PTPRQ: variants seen among roughly 807,000 people sequenced by gnomAD.
PTPRQ encodes phosphatidylinositol phosphatase PTPRQ.
PTPRQ carries 199 observed loss-of-function variants against 246.0 expected under a neutral mutation model. That is an observed-to-expected ratio of 0.81 (90% CI 0.72 to 0.91). The LOEUF (loss-of-function observed/expected upper bound fraction) is 0.91, where lower values mean the gene tolerates loss of function less well. Ranked by LOEUF, PTPRQ falls within the 40% of genes least tolerant of loss-of-function variation. The probability of loss-of-function intolerance (pLI) is 0.00; values close to 1 mark genes in which losing one functional copy is unlikely to be tolerated. For synonymous variants in PTPRQ, 869 were observed against 853.2 expected (o/e 1.02, Z -0.32); for missense variants, 2,624 against 2,528.4 (o/e 1.04, Z -0.81).
intron 5 of PTPRQ, among the ~76,000 whole-genome samples, 200 bp from the exon 6 acceptor site, chr12:80,460,453 G>A (rs951312394): frequency 1.3e-5 from 2 of 152,004 alleles, no homozygotes; most frequent in Non-Finnish European, 2.9e-5. Flanking sequence ...TAAGGTATAA[G>A]GAATACAATA....
chr12:80,469,326 A>C (rs996922958), intron 7 of PTPRQ, among the ~76,000 whole-genome samples: 2 of 152,156 alleles, frequency 1.3e-5, no homozygotes, highest in African/African-American at 4.8e-5. Flanking sequence ...AAAACCTATT[A>C]AAATTTTTGG....
rs534634227 is a variant in PTPRQ at position 80,632,819 on chromosome 12, G to T, written c.5786+528G>T. On this transcript the variant is annotated intron_variant, in intron 34 of 44. Coordinates refer to ENST00000644991, the MANE Select transcript of PTPRQ (RefSeq NM_001145026.2). ...ACCCGTCATTATTAGATGGTAGGCA[G>T]GCTGAAATTGGTAATAGAAGCATCC... 3.9e-5 allele frequency among the ~76,000 whole-genome samples: 6 copies of T among 152,288 alleles called. No individual in the cohort carries two copies. The East Asian group carries it at 1.2e-3, about 29-fold the overall frequency.
At chr12:80,507,999 T>C (rs965836048) in intron 16 of PTPRQ, among the ~76,000 whole-genome samples, 1 of 152,002 alleles carries the variant, frequency 6.6e-6, no homozygotes, top group Non-Finnish European at 1.5e-5. Context: ...GAATTTGAGA[T>C]CTTATATGAT....
chr12:80,608,067 A>G (rs1592711752), intron 27 of PTPRQ, among the ~76,000 whole-genome samples: 2 of 150,734 alleles, frequency 1.3e-5, no homozygotes, highest in Admixed American at 6.6e-5. Flanking sequence ...GACTTCATAG[A>G]GCAGGTTAAA....
At chr12:80,550,538 C>T (rs1251657568) in intron 25 of PTPRQ, among the ~76,000 whole-genome samples, 2 of 152,088 alleles carry the variant, frequency 1.3e-5, no homozygotes, top group East Asian at 1.9e-4. Flanking sequence ...TTTCAGACTA[C>T]GGTGTTTCCC....
At chr12:80,475,933 T>C (rs1893796627) in intron 8 of PTPRQ, among the ~76,000 whole-genome samples, 1 of 152,138 alleles carries the variant, frequency 6.6e-6, no homozygotes, top group Non-Finnish European at 1.5e-5. Flanking sequence ...TCCTGCATAA[T>C]ATTTGATATC....
At chr12:80,530,197 T>C (rs940898701) in intron 17 of PTPRQ, among the ~76,000 whole-genome samples, 1 of 152,212 alleles carries the variant, frequency 6.6e-6, no homozygotes, top group Non-Finnish European at 1.5e-5. Context: ...TCTCTTTTTT[T>C]ATACTGTGGT....
At position 80,679,100 on chromosome 12, in the gene PTPRQ, T is replaced by C. The variant is rs1901238258; in HGVS notation, c.*77T>C. The stretch of plus-strand genomic sequence containing the variant: ...AAAGTTACCCCCTCATTCTTCCGAA[T>C]TGAAATGTGCAACCTTAAAGAAATA... On this transcript the variant is annotated 3_prime_UTR_variant, in exon 45 of 45. Coordinates refer to ENST00000644991, the MANE Select transcript of PTPRQ (RefSeq NM_001145026.2). The C allele has an allele frequency of 2.0e-6, 3 of 1,502,224 alleles. No homozygotes were observed. Among genetic ancestry groups the C allele is most frequent in the African/African-American group, 2.8e-5 (2 of 71,414 alleles). 93.1% of individuals were successfully genotyped at this position (1,502,224 alleles called of 1,614,324 possible).
chr12:80,679,880 A>G lies in PTPRQ; in HGVS notation c.*857A>G, dbSNP rs1351987761. On this transcript the variant is annotated 3_prime_UTR_variant, in exon 45 of 45. Coordinates refer to ENST00000644991, the MANE Select transcript of PTPRQ (RefSeq NM_001145026.2). ...AGCAAAAATGTATCAAAAGAGTAAT[A>G]AAAACACTGTGCGTGTTTCAAGCTT... 4 of 151,940 alleles carry G rather than the reference A, an allele frequency of 2.6e-5. No individual in the cohort carries two copies. The highest frequency in any genetic ancestry group is 9.7e-5 in the African/African-American group (4 of 41,416). 9.4% of individuals were successfully genotyped at this position (151,940 alleles called of 1,614,324 possible). A position where few individuals can be genotyped will look rare whatever the true frequency, so the allele number is the denominator to read the frequency against.
chr12:80,590,210 G>A (rs1897747215), intron 26 of PTPRQ, among the ~76,000 whole-genome samples: 2 of 152,164 alleles, frequency 1.3e-5, no homozygotes, highest in East Asian at 1.9e-4. Flanking sequence ...TCCTGCCCAT[G>A]ATTCATTTCA....
In PTPRQ at chr12:80,613,730, A is replaced by T. The variant is rs370661036; in HGVS notation, c.5057A>T (p.Asp1686Val). ...CAAGCTCTGGTTTACCGAGAAGATG[A>T]TCCTACTGCTGTCCAGATTCACAAC... The part of the protein sequence containing the change: ...VYQALVYRED[D>V]PTAVQIHNLS... Residue 1686 changes from aspartate (D) to valine (V), a missense_variant, in exon 29 of 45, where the codon GAT (aspartate) becomes GTT (valine). By Grantham distance (152) the Asp-to-Val change is radical. Coordinates refer to ENST00000644991, the MANE Select transcript of PTPRQ (RefSeq NM_001145026.2). 57 of 1,546,090 alleles carry T rather than the reference A, an allele frequency of 3.7e-5. No homozygotes were observed. The South Asian group carries it at 3.7e-4, about 10-fold the overall frequency.
At chr12:80,455,594 GTT>G (rs35890290) in intron 3 of PTPRQ, among the ~76,000 whole-genome samples, 41,399 of 135,106 alleles carry the variant, frequency 0.31, 5,772 homozygotes, top group African/African-American at 0.39. Flanking sequence ...TTACATAGTT[GTT>G]TTTTTTTTTT....
In PTPRQ at chr12:80,455,175, C is replaced by T. The variant is rs548934837; in HGVS notation, c.391-2400C>T. On this transcript the variant is annotated intron_variant, in intron 3 of 44. Transcript: ENST00000644991. ...ACAACAAGAACAAAACGCCGCCAAACAAAACAAAACAAACAAACAAAAAAA... is the reference window on the plus strand; with the variant it reads ...ACAACAAGAACAAAACGCCGCCAAATAAAACAAAACAAACAAACAAAAAAA... Among the ~76,000 whole-genome samples the T allele has an allele frequency of 2.0e-5, 3 of 149,366 alleles. No individual in the cohort carries two copies. In the South Asian group the frequency reaches 6.3e-4, roughly 31 times the overall value.
At chr12:80,657,237 A>G (rs558522033) in intron 38 of PTPRQ, among the ~76,000 whole-genome samples, 11 of 151,980 alleles carry the variant, frequency 7.2e-5, no homozygotes, top group Middle Eastern at 3.5e-3. Context: ...GTCAGTAAAC[A>G]TAAGGAAAGA....
At chr12:80,522,409 A>G (rs909616847) in intron 17 of PTPRQ, among the ~76,000 whole-genome samples, 30 of 152,040 alleles carry the variant, frequency 2.0e-4, no homozygotes, top group Non-Finnish European at 3.8e-4. Context: ...GTTGAATAGG[A>G]GTGGTGAGAG....
intron 17 of PTPRQ, among the ~76,000 whole-genome samples, chr12:80,525,745 A>G (rs368202922): frequency 6.6e-6 from 1 of 151,574 alleles, no homozygotes; most frequent in African/African-American, 2.4e-5. Context: ...ATAAGAAGTC[A>G]ATTTATTACT....
rs557354245 is a variant in PTPRQ, at chr12:80,549,397, G to T, written c.4016-68G>T. On this transcript the variant is annotated intron_variant, in intron 24 of 44. Coordinates refer to ENST00000644991, the MANE Select transcript of PTPRQ (RefSeq NM_001145026.2). ...AAACACAGATGTATCTAGTGATCACGTAATTCAATCAATTATCTACTTACA... is the reference window on the plus strand; with the variant it reads ...AAACACAGATGTATCTAGTGATCACTTAATTCAATCAATTATCTACTTACA... The T allele has an allele frequency of 9.0e-6, 13 of 1,444,894 alleles. No homozygotes were observed. In the South Asian group the frequency reaches 1.8e-4, roughly 20 times the overall value. The allele number at this position is 1,444,894 out of a possible 1,614,324, so 89.5% of individuals were successfully genotyped here.
At position 80,468,685 on chromosome 12, in the gene PTPRQ, T is replaced by C. The variant is rs12296942; in HGVS notation, c.911-25T>C. 0.039 allele frequency: 58,451 copies of C among 1,513,414 alleles called. 3,570 individuals are homozygous for C. The highest frequency in any genetic ancestry group is 0.26 in the African/African-American group (18,501 of 71,460). 93.7% of individuals were successfully genotyped at this position (1,513,414 alleles called of 1,614,324 possible). On this transcript the variant is annotated intron_variant, in intron 6 of 44. Transcript: ENST00000644991. ...GCTTTCATTTTAAATATATGTTATG[T>C]ATTTATTTTCTATAATTATTTTAGT... is the stretch of plus-strand genomic sequence containing the variant.
At chr12:80,567,044 A>G (rs1010321007) in intron 25 of PTPRQ, among the ~76,000 whole-genome samples, 1 of 152,200 alleles carries the variant, frequency 6.6e-6, no homozygotes, top group Non-Finnish European at 1.5e-5. Context: ...TAAAAGCTAA[A>G]TAGGATGCCA....
Sources: allele counts gnomAD v4.1 joint callset (sites outside exome capture counted in the v4.1 genomes callset), GRCh38; gene constraint gnomAD v4.1.1; transcripts MANE v1.5; gene names NCBI Gene and HGNC (gene_info 2026-07-23, HGNC 2026-07-21).